ASXL2: variants seen among roughly 807,000 people sequenced by gnomAD.
The protein encoded by ASXL2 is ASXL transcriptional regulator 2, also known as putative Polycomb group protein ASXL2.
In ASXL2, 23 loss-of-function variants were observed where a neutral mutation model predicts 122.0. The ratio of observed to expected loss-of-function variants is 0.19; its 90% CI spans 0.14 to 0.27. The LOEUF is 0.27. Ranked by LOEUF, ASXL2 falls within the 10% of genes least tolerant of loss-of-function variation. The pLI, the probability that ASXL2 is intolerant of heterozygous loss-of-function variation, is 1.00. For synonymous variants in ASXL2, 650 were observed against 637.0 expected (o/e 1.02, Z -0.31); for missense variants, 1,518 against 1,713.8 (o/e 0.89, Z 2.02).
intron 1 of ASXL2, among the ~76,000 whole-genome samples, chr2:25,858,721 C>CA (rs138604966): frequency 0.18 from 21,750 of 120,666 alleles, 2,053 homozygotes; most frequent in Non-Finnish European, 0.25. Flanking sequence ...GACCCCGCCT[C>CA]AAAAAAAAAA....
intron 1 of ASXL2, among the ~76,000 whole-genome samples, chr2:25,849,060 T>A (rs1392246024): frequency 2.2e-5 from 2 of 90,480 alleles, no homozygotes; most frequent in Admixed American, 1.2e-4. Context: ...AAAAAAAAAA[T>A]TTACATATAT....
At chr2:25,793,023 C>T (rs562762521) in intron 5 of ASXL2, among the ~76,000 whole-genome samples, 9 of 151,912 alleles carry the variant, frequency 5.9e-5, no homozygotes, top group African/African-American at 1.2e-4. Context: ...GAAGCTGAGG[C>T]GGGCAGATCA....
chr2:25,847,594 G>A (rs2089663381), intron 1 of ASXL2, among the ~76,000 whole-genome samples: 1 of 152,172 alleles, frequency 6.6e-6, no homozygotes. Context: ...CTTCATCCAA[G>A]TTAAGGCCCA....
At chr2:25,777,303 C>T (rs1282425419) in intron 5 of ASXL2, among the ~76,000 whole-genome samples, 2 of 151,800 alleles carry the variant, frequency 1.3e-5, no homozygotes, top group Non-Finnish European at 2.9e-5. Context: ...GTTGTCCAGG[C>T]TTGTTCTAAC....
At chr2:25,811,100 A>ACACACACACACACACACAC (rs1559518075) in intron 3 of ASXL2, among the ~76,000 whole-genome samples, 1 of 149,728 alleles carries the variant, frequency 6.7e-6, no homozygotes, top group African/African-American at 2.5e-5. Flanking sequence ...ACACACACAC[A>ACACACACACACACACACAC]AAATCAGCCA....
chr2:25,822,782 T>C, intron 3 of ASXL2: 2 of 578,388 alleles, frequency 3.5e-6, no homozygotes, highest in South Asian at 2.8e-5. Flanking sequence ...ACTTCAGTAA[T>C]TGGAAACACT....
intron 5 of ASXL2, among the ~76,000 whole-genome samples, chr2:25,794,237 G>A (rs2088879673): frequency 6.6e-6 from 1 of 152,166 alleles, no homozygotes; most frequent in Admixed American, 6.5e-5. Context: ...ATTCCTTACA[G>A]AGAAAAGGTA....
intron 3 of ASXL2, among the ~76,000 whole-genome samples, chr2:25,828,560 T>G (rs1424597440): frequency 6.7e-6 from 1 of 148,854 alleles, no homozygotes; most frequent in African/African-American, 2.5e-5. Context: ...GCACAGTAGC[T>G]CACGCCTGTA....
chr2:25,788,959 T>C (rs962692360), intron 5 of ASXL2, among the ~76,000 whole-genome samples: 2 of 152,184 alleles, frequency 1.3e-5, no homozygotes, highest in Admixed American at 1.3e-4. Context: ...TTATGATTAA[T>C]CCTGATATTT....
chr2:25,878,072 G>A, intron 1 of ASXL2, 94 bp downstream of exon 1: 1 of 1,518,970 alleles, frequency 6.6e-7, no homozygotes, highest in Non-Finnish European at 9.1e-7. Flanking sequence ...CCTTCAGCCG[G>A]GTCCCTGGGC....
intron 10 of ASXL2, among the ~76,000 whole-genome samples, chr2:25,753,927 T>C (rs1197173557): frequency 1.3e-5 from 2 of 152,188 alleles, no homozygotes; most frequent in Non-Finnish European, 2.9e-5. Context: ...TCACACTCCA[T>C]ACAGATTTAT....
At chr2:25,782,832 T>A (rs1279477280) in intron 5 of ASXL2, among the ~76,000 whole-genome samples, 1 of 152,148 alleles carries the variant, frequency 6.6e-6, no homozygotes, top group Non-Finnish European at 1.5e-5. Flanking sequence ...TCTTTAAACA[T>A]ATGGTTGCAT....
chr2:25,765,774 C>A (rs945954860), intron 8 of ASXL2, among the ~76,000 whole-genome samples: 1 of 152,212 alleles, frequency 6.6e-6, no homozygotes, highest in Admixed American at 6.5e-5. Flanking sequence ...GTAGAATATG[C>A]GCTCCATGAG....
chr2:25,845,467 T>C lies in ASXL2; in HGVS notation c.140+14A>G, dbSNP rs1352853559. ...AGTATTATAATTATTACTAAAAATA[T>C]TTAAATAACTCACCTGATTTCTTTT... On this transcript the variant is annotated intron_variant, in intron 2 of 12. Transcript: ENST00000435504. The C allele has an allele frequency of 2.8e-6, 4 of 1,413,992 alleles. No individual in the cohort carries two copies. In the African/African-American group the frequency reaches 6.0e-5, roughly 21 times the overall value. 87.6% of individuals were successfully genotyped at this position (1,413,992 alleles called of 1,614,324 possible).
chr2:25,744,609 G>T lies in ASXL2; in HGVS notation c.1861-133C>A. ...CTGTGACAAACATGGGTGGTCTATGGCCGAGAGGCCAAACCTTGGAGACAG... is the reference window on the plus strand; with the variant it reads ...CTGTGACAAACATGGGTGGTCTATGTCCGAGAGGCCAAACCTTGGAGACAG... On this transcript the variant is annotated intron_variant, in intron 12 of 12. Coordinates refer to ENST00000435504, the MANE Select transcript of ASXL2 (RefSeq NM_018263.6). The surrounding 1 kb of genome is among the most constrained non-coding windows in gnomAD (Gnocchi z 4.7). The T allele has an allele frequency of 9.7e-7, 1 of 1,031,386 alleles. No individual in the cohort carries two copies. Among genetic ancestry groups the T allele is most frequent in the Non-Finnish European group, 1.4e-6 (1 of 734,782 alleles). The allele number at this position is 1,031,386 out of a possible 1,614,324, so 63.9% of individuals were successfully genotyped here.
intron 2 of ASXL2, among the ~76,000 whole-genome samples, chr2:25,843,565 T>C (rs1471843979): frequency 6.6e-6 from 1 of 152,056 alleles, no homozygotes; most frequent in Non-Finnish European, 1.5e-5. Flanking sequence ...CTAACTTATT[T>C]CAACCTACTG....
At chr2:25,855,995 G>A (rs2089772945) in intron 1 of ASXL2, among the ~76,000 whole-genome samples, 1 of 151,750 alleles carries the variant, frequency 6.6e-6, no homozygotes, top group Admixed American at 6.6e-5. Context: ...CCGGGTTCAA[G>A]CAATTCTCTG....
intron 10 of ASXL2, among the ~76,000 whole-genome samples, 163 bp from the exon 11 acceptor site, chr2:25,753,802 T>C (rs528304169): frequency 1.6e-4 from 24 of 152,252 alleles, no homozygotes; most frequent in African/African-American, 5.5e-4. Context: ...TAAATGCCAT[T>C]AGGTGAAATA....
At chr2:25,870,285 G>T (rs1304451726) in intron 1 of ASXL2, among the ~76,000 whole-genome samples, 1 of 152,174 alleles carries the variant, frequency 6.6e-6, no homozygotes. Context: ...AGCACTTTGG[G>T]AGGCCAAGGT....
Sources: gnomAD v4.1 joint callset for allele counts (sites outside exome capture counted in the v4.1 genomes callset) on GRCh38, gnomAD v4.1.1 for gene constraint, Gnocchi (gnomAD v3.1) non-coding constraint, MANE v1.5 for transcripts, NCBI Gene and HGNC (gene_info 2026-07-23, HGNC 2026-07-21) for gene names.